The following LARGE1 variants were observed in gnomAD, a reference collection of about 807,000 sequenced individuals.
LARGE1 encodes the protein xylosyl- and glucuronyltransferase LARGE1.
LARGE1 carries 43 observed loss-of-function variants against 87.6 expected under a neutral mutation model. The ratio of observed to expected loss-of-function variants is 0.49; its 90% CI spans 0.38 to 0.63. The LOEUF (loss-of-function observed/expected upper bound fraction) is 0.63, where lower values mean the gene tolerates loss of function less well. Among genes scored for constraint, LARGE1 ranks in the 30% least tolerant of loss-of-function variants. LARGE1 has a pLI of 0.00. For missense variants in LARGE1, 802 were observed against 1,000.2 expected, an observed-to-expected ratio of 0.80 and a Z score of 2.67; for synonymous variants, 434 against 394.6, an observed-to-expected ratio of 1.10 and a Z score of -1.18.
intron 11 of LARGE1, among the ~76,000 whole-genome samples, chr22:33,312,320 A>G (rs1320314400): frequency 1.3e-5 from 2 of 151,922 alleles, no homozygotes; most frequent in African/African-American, 4.8e-5. Flanking sequence ...GCGCGCCTGT[A>G]GTCCCAGCTA....
intron 6 of LARGE1, among the ~76,000 whole-genome samples, chr22:33,487,524 T>C (rs570223780): frequency 2.6e-5 from 4 of 152,262 alleles, no homozygotes; most frequent in Non-Finnish European, 5.9e-5. Flanking sequence ...GCCCTTCAGT[T>C]GTAAAGGCAT....
intron 11 of LARGE1, among the ~76,000 whole-genome samples, chr22:33,221,164 T>C (rs938372363): frequency 1.7e-5 from 2 of 116,486 alleles, no homozygotes; most frequent in African/African-American, 1.1e-4. Context: ...CTTGCCGTTG[T>C]TAAAAAGAGA....
chr22:33,817,589 G>T lies in LARGE1; in HGVS notation c.-82-56031C>A, dbSNP rs115304073. Among the ~76,000 whole-genome samples, 683 of 152,184 alleles carry T rather than the reference G, an allele frequency of 4.5e-3. 3 individuals are homozygous for T. The highest frequency in any genetic ancestry group is 0.015 in the African/African-American group (628 of 41,532). On this transcript the variant is annotated intron_variant, in intron 1 of 14. Transcript: ENST00000397394. ...TTTGGGTTGTTGCACATCCAGATAAGAAGGGACCACAGAGAGGTAACAGCA... is the reference window on the plus strand; with the variant it reads ...TTTGGGTTGTTGCACATCCAGATAATAAGGGACCACAGAGAGGTAACAGCA...
chr22:33,104,469 G>A, the LARGE1 span, among the ~76,000 whole-genome samples: 1 of 152,238 alleles, frequency 6.6e-6, no homozygotes, highest in Non-Finnish European at 1.5e-5. Context: ...AGGGCAGCAA[G>A]AAATGCTGCA....
the LARGE1 span, among the ~76,000 whole-genome samples, chr22:33,104,545 C>A: frequency 6.6e-6 from 1 of 152,088 alleles, no homozygotes; most frequent in South Asian, 2.1e-4. Flanking sequence ...ACTGGGAAAG[C>A]CTTCAGGTAA....
chr22:33,200,701 G>A (rs1239158339), intron 11 of LARGE1, among the ~76,000 whole-genome samples: 1 of 152,162 alleles, frequency 6.6e-6, no homozygotes, highest in Non-Finnish European at 1.5e-5. Context: ...AAAGAAGGCA[G>A]GCACAAAATG....
intron 1 of LARGE1, among the ~76,000 whole-genome samples, chr22:33,847,721 T>C (rs1037687875): frequency 1.3e-5 from 2 of 152,202 alleles, no homozygotes; most frequent in Non-Finnish European, 2.9e-5. Context: ...TCCCCAAACA[T>C]CTTTCTTCTC....
At chr22:33,460,184 G>A (rs1293851293) in intron 6 of LARGE1, among the ~76,000 whole-genome samples, 2 of 152,182 alleles carry the variant, frequency 1.3e-5, no homozygotes, top group South Asian at 2.1e-4. Flanking sequence ...AGCCTTCCTC[G>A]GTTGTGTCGG....
intron 2 of LARGE1, among the ~76,000 whole-genome samples, chr22:33,738,431 C>T (rs181883600): frequency 6.6e-6 from 1 of 152,276 alleles, no homozygotes; most frequent in African/African-American, 2.4e-5. Flanking sequence ...GCAGGGCACT[C>T]AGGGGCCTCA....
intron 1 of LARGE1, among the ~76,000 whole-genome samples, chr22:33,842,319 T>A (rs2063304109): frequency 6.6e-6 from 1 of 152,222 alleles, no homozygotes; most frequent in South Asian, 2.1e-4. Context: ...GGGCATTTTT[T>A]AATAAAAAAT....
intron 2 of LARGE1, among the ~76,000 whole-genome samples, chr22:33,709,764 T>A (rs1400089485): frequency 6.6e-6 from 1 of 151,926 alleles, no homozygotes; most frequent in Non-Finnish European, 1.5e-5. Flanking sequence ...TAGCTGGGAT[T>A]ACAGGCATGC....
At chr22:33,308,505 T>C (rs1935197519) in intron 11 of LARGE1, among the ~76,000 whole-genome samples, 1 of 152,192 alleles carries the variant, frequency 6.6e-6, no homozygotes, top group Admixed American at 6.5e-5. Context: ...AAAATAGCTA[T>C]CAATCGTCCC....
chr22:33,471,995 A>T (rs1388570297), intron 6 of LARGE1, among the ~76,000 whole-genome samples: 1 of 152,136 alleles, frequency 6.6e-6, no homozygotes, highest in Non-Finnish European at 1.5e-5. Context: ...GGTTGCAGTG[A>T]GCTGAGATCA....
intron 9 of LARGE1, among the ~76,000 whole-genome samples, chr22:33,355,841 G>A (rs1430089072): frequency 6.6e-6 from 1 of 152,190 alleles, no homozygotes; most frequent in East Asian, 1.9e-4. Context: ...CAGTATTTAT[G>A]TAAGGAAGTG....
At position 33,675,386 on chromosome 22, in the gene LARGE1, C is replaced by A. The variant is rs576466832; in HGVS notation, c.107-24718G>T. Among the ~76,000 whole-genome samples, 4 of 148,932 alleles carry A rather than the reference C, an allele frequency of 2.7e-5. No homozygotes were observed. In the South Asian group the frequency reaches 8.6e-4, roughly 32 times the overall value. ...CATGCCTGAGAAAGTGAGATTTGAT[C>A]CAAGAACTGAAGAACAAGAGGGAAT... On this transcript the variant is annotated intron_variant, in intron 2 of 14. Transcript: ENST00000397394.
chr22:33,720,670 G>A (rs78818161), intron 2 of LARGE1, among the ~76,000 whole-genome samples: 1,885 of 152,334 alleles, frequency 0.012, 38 homozygotes, highest in African/African-American at 0.043. Context: ...AATGTGGCCT[G>A]TGGTTACATA....
At chr22:33,173,005 A>C (rs1294441735) in intron 11 of LARGE1, among the ~76,000 whole-genome samples, 2 of 152,186 alleles carry the variant, frequency 1.3e-5, no homozygotes, top group Non-Finnish European at 2.9e-5. Context: ...GGAAACACAG[A>C]AAACACCATA....
At chr22:33,271,451 A>G (rs561861932), downstream of LARGE1, among the ~76,000 whole-genome samples, 13 of 152,296 alleles carry the variant, frequency 8.5e-5, no homozygotes, top group African/African-American at 3.1e-4. Context: ...ATGCCTGCCA[A>G]AGGCTTCTGC....
At chr22:33,552,152 T>C (rs576694569) in intron 6 of LARGE1, among the ~76,000 whole-genome samples, 173 of 152,272 alleles carry the variant, frequency 1.1e-3, no homozygotes, top group African/African-American at 4.0e-3. Context: ...AACTTGTGCA[T>C]ATGGTAACAA....
Sources: gnomAD v4.1 joint callset for allele counts (sites outside exome capture counted in the v4.1 genomes callset) on GRCh38, gnomAD v4.1.1 for gene constraint, MANE v1.5 for transcripts, NCBI Gene and HGNC (gene_info 2026-07-23, HGNC 2026-07-21) for gene names.